The following SORCS1 variants were observed in gnomAD, a reference collection of about 807,000 sequenced individuals.
The protein encoded by SORCS1 is sortilin related VPS10 domain containing receptor 1.
A neutral mutation model predicts 146.1 loss-of-function variants in SORCS1; 60 were observed. The ratio of observed to expected loss-of-function variants is 0.41; its 90% CI spans 0.33 to 0.51. SORCS1 has a LOEUF of 0.51. SORCS1 is among the 20% of genes least tolerant of loss of function. The pLI is 0.21. For missense variants in SORCS1, 1,352 were observed against 1,487.6 expected, an observed-to-expected ratio of 0.91 and a Z score of 1.50; for synonymous variants, 637 against 584.0, an observed-to-expected ratio of 1.09 and a Z score of -1.31.
intron 1 of SORCS1, among the ~76,000 whole-genome samples, chr10:107,084,190 G>T (rs1401302152): frequency 6.7e-6 from 1 of 149,668 alleles, no homozygotes; most frequent in Non-Finnish European, 1.5e-5. Context: ...CTGCCTCCTG[G>T]GTTCACGCCA....
At chr10:106,926,159 G>T (rs1589720128) in intron 2 of SORCS1, among the ~76,000 whole-genome samples, 1 of 152,038 alleles carries the variant, frequency 6.6e-6, no homozygotes, top group East Asian at 1.9e-4. Flanking sequence ...ATCCTTAAGA[G>T]TTATGTTTAT....
At chr10:107,123,560 CT>C (rs907881470) in intron 1 of SORCS1, among the ~76,000 whole-genome samples, 3 of 152,094 alleles carry the variant, frequency 2.0e-5, no homozygotes, top group Non-Finnish European at 2.9e-5. Flanking sequence ...AAACAAGAAA[CT>C]GAGATGTGTC....
At chr10:107,122,657 T>C (rs1347662049) in intron 1 of SORCS1, among the ~76,000 whole-genome samples, 1 of 152,156 alleles carries the variant, frequency 6.6e-6, no homozygotes, top group Non-Finnish European at 1.5e-5. Context: ...TGATGGCACC[T>C]CTGTGTCATT....
rs1365907989 is a variant in SORCS1, at chr10:106,600,389, GC to G, written c.3166-2940del. On this transcript the variant is annotated intron_variant, in intron 23 of 25. Coordinates refer to ENST00000263054, the MANE Select transcript of SORCS1 (RefSeq NM_052918.5). ...AAAGGACATTCAACAATGAACACATGCTTTGTGAGAAAAAATTTGCATAAGA... is the reference window on the plus strand; with the variant it reads ...AAAGGACATTCAACAATGAACACATGTTTGTGAGAAAAAATTTGCATAAGA... 3 of 977,616 alleles carry G rather than the reference GC, an allele frequency of 3.1e-6. No homozygotes were observed. The African/African-American group carries it at 5.3e-5, about 17-fold the overall frequency. 60.6% of individuals were successfully genotyped at this position (977,616 alleles called of 1,614,324 possible). A position where few individuals can be genotyped will look rare whatever the true frequency, so the allele number is the denominator to read the frequency against.
At chr10:107,132,807 C>G (rs1966960445) in intron 1 of SORCS1, among the ~76,000 whole-genome samples, 1 of 152,128 alleles carries the variant, frequency 6.6e-6, no homozygotes, top group African/African-American at 2.4e-5. Context: ...CGTTGTTACT[C>G]TATGTGTATA....
At chr10:106,958,930 C>T (rs1955092615) in intron 1 of SORCS1, among the ~76,000 whole-genome samples, 1 of 151,942 alleles carries the variant, frequency 6.6e-6, no homozygotes, top group African/African-American at 2.4e-5. Flanking sequence ...CCTATAAATC[C>T]CCCACCAAGA....
chr10:106,657,594 C>A (rs1005679996), intron 17 of SORCS1, among the ~76,000 whole-genome samples: 1 of 150,648 alleles, frequency 6.6e-6, no homozygotes, highest in Non-Finnish European at 1.5e-5. Flanking sequence ...CACTTGTACT[C>A]CAAAAGGTAT....
In SORCS1 at chr10:106,709,361, A is replaced by C; in HGVS notation, c.1025-20T>G. 2 of 1,534,912 alleles carry C rather than the reference A, an allele frequency of 1.3e-6. No individual in the cohort carries two copies. The highest frequency in any genetic ancestry group is 1.8e-6 in the Non-Finnish European group (2 of 1,109,424). On this transcript the variant is annotated intron_variant, in intron 6 of 25. Coordinates refer to ENST00000263054, the MANE Select transcript of SORCS1 (RefSeq NM_052918.5). ...GTGAATCTGAAAAACAAAAACAAAAACAAAAACATGGGGTTGAGGGGGATA... is the reference window on the plus strand; with the variant it reads ...GTGAATCTGAAAAACAAAAACAAAACCAAAAACATGGGGTTGAGGGGGATA...
At chr10:106,739,819 G>A (rs945692460) in intron 5 of SORCS1, among the ~76,000 whole-genome samples, 9 of 151,898 alleles carry the variant, frequency 5.9e-5, no homozygotes, top group Non-Finnish European at 1.0e-4. Flanking sequence ...GGATGTGGTG[G>A]TGGGCACCTG....
chr10:107,146,606 A>C (rs1446125034), intron 1 of SORCS1, among the ~76,000 whole-genome samples: 1 of 152,094 alleles, frequency 6.6e-6, no homozygotes, highest in Non-Finnish European at 1.5e-5. Context: ...CAATCACTAA[A>C]TACAGGAAAA....
chr10:106,950,849 C>G (rs1433832939), intron 2 of SORCS1, among the ~76,000 whole-genome samples: 1 of 152,212 alleles, frequency 6.6e-6, no homozygotes, highest in East Asian at 1.9e-4. Context: ...TGTAATAACA[C>G]ATGTCTAACA....
intron 1 of SORCS1, among the ~76,000 whole-genome samples, chr10:107,032,587 T>C (rs1340579336): frequency 9.2e-5 from 14 of 152,272 alleles, no homozygotes; most frequent in Non-Finnish European, 1.5e-5. Context: ...TTAGAAGAGC[T>C]GAGTCACTTG....
chr10:106,955,414 G>A (rs1954890171), intron 2 of SORCS1, among the ~76,000 whole-genome samples: 1 of 152,234 alleles, frequency 6.6e-6, no homozygotes, highest in East Asian at 1.9e-4. Context: ...TGGCAGGCAT[G>A]AGATATCAAC....
At chr10:106,967,127 A>G (rs1003397705) in intron 1 of SORCS1, among the ~76,000 whole-genome samples, 5 of 149,340 alleles carry the variant, frequency 3.3e-5, no homozygotes, top group African/African-American at 4.9e-5. Context: ...AAAAAAAAAA[A>G]TGCACTCCCT....
intron 1 of SORCS1, among the ~76,000 whole-genome samples, chr10:106,982,889 C>G (rs370489958): frequency 6.6e-6 from 1 of 152,050 alleles, no homozygotes; most frequent in African/African-American, 2.4e-5. Flanking sequence ...CCTGATTAGT[C>G]CTGAAGGCAG....
At chr10:106,722,895 G>A (rs566648454) in intron 6 of SORCS1, among the ~76,000 whole-genome samples, 2 of 152,246 alleles carry the variant, frequency 1.3e-5, no homozygotes, top group South Asian at 4.1e-4. Flanking sequence ...CATAAAATGT[G>A]GCACCCAGTT....
chr10:107,100,871 T>C (rs1214618728), intron 1 of SORCS1, among the ~76,000 whole-genome samples: 1 of 152,234 alleles, frequency 6.6e-6, no homozygotes, highest in African/African-American at 2.4e-5. Context: ...TTCTTTCTGA[T>C]GAGAAATAAT....
intron 1 of SORCS1, among the ~76,000 whole-genome samples, chr10:107,023,159 T>C (rs1050788072): frequency 2.6e-5 from 4 of 152,218 alleles, no homozygotes; most frequent in African/African-American, 4.8e-5. Flanking sequence ...CCTGTATGTA[T>C]GTAATTCTAG....
At chr10:107,073,256 G>A (rs192652775) in intron 1 of SORCS1, among the ~76,000 whole-genome samples, 20 of 152,238 alleles carry the variant, frequency 1.3e-4, no homozygotes, top group East Asian at 1.2e-3. Context: ...GAGCATTTCC[G>A]CTGACTTTTA....
Sources: allele counts gnomAD v4.1 joint callset (sites outside exome capture counted in the v4.1 genomes callset), GRCh38; gene constraint gnomAD v4.1.1; transcripts MANE v1.5; gene names NCBI Gene and HGNC (gene_info 2026-07-23, HGNC 2026-07-21).